PCNX1: variants seen among roughly 807,000 people sequenced by gnomAD.
The protein encoded by PCNX1 is pecanex 1.
In PCNX1, 78 loss-of-function variants were observed where a neutral mutation model predicts 242.2. That is an observed-to-expected ratio of 0.32 (90% confidence interval 0.27 to 0.39). The LOEUF is 0.39. Ranked by LOEUF, PCNX1 falls within the 10% of genes least tolerant of loss-of-function variation. PCNX1 has a pLI of 1.00. For missense variants in PCNX1, 2,581 were observed against 2,856.5 expected, an observed-to-expected ratio of 0.90 and a Z score of 2.20; for synonymous variants, 1,024 against 1,032.9, an observed-to-expected ratio of 0.99 and a Z score of 0.17.
At chr14:71,010,762 T>A (rs962403548) in intron 9 of PCNX1, among the ~76,000 whole-genome samples, 2 of 152,140 alleles carry the variant, frequency 1.3e-5, no homozygotes, top group African/African-American at 4.8e-5. Flanking sequence ...CACATCTGTT[T>A]AAATGTTAGA....
rs768860468 is a variant in PCNX1, at chr14:71,046,949, A to T, written c.4019-15A>T. ...ATTTGATGACATGTAGTCTTGATTT[A>T]TACTGCCTTGTTAGATGCAGCCACT... On this transcript the variant is annotated splice_polypyrimidine_tract_variant and intron_variant, in intron 20 of 35. Coordinates refer to ENST00000304743, the MANE Select transcript of PCNX1 (RefSeq NM_014982.3). 2.5e-6 allele frequency: 4 copies of T among 1,597,672 alleles called. No individual in the cohort carries two copies. The highest frequency in any genetic ancestry group is 2.6e-6 in the Non-Finnish European group (3 of 1,172,544).
intron 11 of PCNX1, 77 bp downstream of exon 11, chr14:71,013,279 G>T: frequency 9.2e-7 from 1 of 1,088,098 alleles, no homozygotes; most frequent in East Asian, 2.4e-5. Context: ...ACCCACTGAG[G>T]TTTTTACCTG....
intron 3 of PCNX1, among the ~76,000 whole-genome samples, chr14:70,963,369 C>G (rs193084450): frequency 1.3e-5 from 2 of 152,210 alleles, no homozygotes; most frequent in East Asian, 3.9e-4. Flanking sequence ...GCCTTGTGTA[C>G]AGTTGACTTT....
intron 32 of PCNX1, 46 bp downstream of exon 32, chr14:71,103,715 C>G (rs1203982077): frequency 6.3e-7 from 1 of 1,581,448 alleles, no homozygotes; most frequent in Admixed American, 1.7e-5. Context: ...ATTCCTGACC[C>G]TCTTAATCTA....
chr14:70,981,086 T>C (rs2058826143), intron 6 of PCNX1, among the ~76,000 whole-genome samples: 1 of 152,154 alleles, frequency 6.6e-6, no homozygotes, highest in Non-Finnish European at 1.5e-5. Flanking sequence ...GGCTCCACTG[T>C]TGTGACTCTA....
chr14:70,998,838 A>G (rs569723122), intron 8 of PCNX1, among the ~76,000 whole-genome samples: 26 of 152,090 alleles, frequency 1.7e-4, no homozygotes, highest in Admixed American at 5.9e-4. Context: ...AATTAAAAAG[A>G]AATTGGGTTC....
chr14:71,074,990 CTTTTTTTTTTT>C (rs900279128), intron 27 of PCNX1, among the ~76,000 whole-genome samples: 4 of 101,100 alleles, frequency 4.0e-5, no homozygotes, highest in Non-Finnish European at 5.9e-5. Flanking sequence ...CTTTTCTTCT[CTTTTTTTTTTT>C]TTTTTTTTTT....
At chr14:70,948,693 G>C (rs567554211) in intron 2 of PCNX1, among the ~76,000 whole-genome samples, 1 of 143,808 alleles carries the variant, frequency 7.0e-6, no homozygotes, top group East Asian at 2.0e-4. Context: ...ATATATACAC[G>C]TGTATATATA....
At chr14:70,998,750 C>CA (rs34044438) in intron 8 of PCNX1, among the ~76,000 whole-genome samples, 2,335 of 88,820 alleles carry the variant, frequency 0.026, 32 homozygotes, top group African/African-American at 0.037. Context: ...GACCCTATCT[C>CA]AAAAAAAAAA....
At chr14:71,086,935 C>T (rs1283750138) in intron 28 of PCNX1, among the ~76,000 whole-genome samples, 1 of 151,926 alleles carries the variant, frequency 6.6e-6, no homozygotes, top group Non-Finnish European at 1.5e-5. Context: ...GCTGTTTCAG[C>T]TAGGGGGGTA....
At chr14:71,049,134 G>A in intron 22 of PCNX1, 2 of 863,074 alleles carry the variant, frequency 2.3e-6, no homozygotes, top group Non-Finnish European at 2.8e-6. Flanking sequence ...GAAAGTTGCA[G>A]TAAAATATAA....
chr14:71,070,549 A>G (rs1171192021), intron 26 of PCNX1, among the ~76,000 whole-genome samples: 1 of 152,230 alleles, frequency 6.6e-6, no homozygotes, highest in Non-Finnish European at 1.5e-5. Context: ...TGTCTTGTAC[A>G]TTTCCATCAG....
chr14:71,039,128 C>T (rs1004218340), intron 19 of PCNX1, among the ~76,000 whole-genome samples: 4 of 151,488 alleles, frequency 2.6e-5, no homozygotes, highest in African/African-American at 4.9e-5. Flanking sequence ...TGCTAGATGA[C>T]GAGTTAATGG....
rs1404051080 is a variant in PCNX1 at position 70,946,951 on chromosome 14, T to G, written c.190T>G (p.Cys64Gly). The G allele has an allele frequency of 6.2e-6, 10 of 1,613,604 alleles. No homozygotes were observed. Among genetic ancestry groups the G allele is most frequent in the Non-Finnish European group, 7.6e-6 (9 of 1,179,534 alleles). Residue 64 changes from cysteine (C) to glycine (G), a missense_variant, in exon 2 of 36, where the codon TGT becomes GGT. By Grantham distance (159) the Cys-to-Gly change is radical. Coordinates refer to ENST00000304743, the MANE Select transcript of PCNX1 (RefSeq NM_014982.3). ...PSTMIIVAVY[C>G]PVIAAVFIVL... ...TACCATGATTATAGTAGCAGTTTAT[T>G]GTCCTGTGATAGCTGCTGTTTTCAT... is the stretch of plus-strand genomic sequence containing the variant.
intron 1 of PCNX1, among the ~76,000 whole-genome samples, chr14:70,927,436 A>G (rs139819692): frequency 1.3e-5 from 2 of 152,176 alleles, no homozygotes; most frequent in African/African-American, 4.8e-5. Context: ...ACAGCATGCA[A>G]TAGTATCATT....
chr14:71,090,796 T>C (rs1368591504), intron 30 of PCNX1, among the ~76,000 whole-genome samples: 2 of 152,246 alleles, frequency 1.3e-5, no homozygotes, highest in African/African-American at 2.4e-5. Flanking sequence ...CTAAATGTTA[T>C]CACAGATATT....
At chr14:71,088,957 C>G (rs2062061669) in intron 29 of PCNX1, among the ~76,000 whole-genome samples, 1 of 152,084 alleles carries the variant, frequency 6.6e-6, no homozygotes, top group South Asian at 2.1e-4. Flanking sequence ...AACTTATAGG[C>G]TCTTTGCCTG....
chr14:71,053,442 C>T (rs574654751), intron 24 of PCNX1: 9 of 358,522 alleles, frequency 2.5e-5, no homozygotes, highest in East Asian at 2.4e-4. Context: ...CTCAGCCTCC[C>T]GAGTAGCTGG....
chr14:71,107,353 T>C (rs1205328594), intron 33 of PCNX1, among the ~76,000 whole-genome samples: 1 of 152,126 alleles, frequency 6.6e-6, no homozygotes, highest in African/African-American at 2.4e-5. Flanking sequence ...TTGTGGTTTT[T>C]GTAATTTTTT....
Sources: gnomAD v4.1 joint callset for allele counts (sites outside exome capture counted in the v4.1 genomes callset) on GRCh38, gnomAD v4.1.1 for gene constraint, MANE v1.5 for transcripts, NCBI Gene and HGNC (gene_info 2026-07-23, HGNC 2026-07-21) for gene names.